Variants in PVT1 observed in about 807,000 individuals in gnomAD.
PVT1 encodes the protein Pvt1 oncogene.
chr8:127,832,959 G>A lies in PVT1; in HGVS notation n.372+36888G>A, dbSNP rs771629185. Among the ~76,000 whole-genome samples, 7 of 152,284 alleles carry A rather than the reference G, an allele frequency of 4.6e-5. No homozygotes were observed. The South Asian group carries it at 1.5e-3, about 32-fold the overall frequency. ...TCTGAGATTATCTGATATTCATGGA[G>A]TTATTTAATGAACAGTAGTATCTCT... On this transcript the variant is annotated intron_variant and non_coding_transcript_variant, in intron 2 of 10. Transcript: ENST00000651587.
intron 2 of PVT1, among the ~76,000 whole-genome samples, chr8:127,850,967 ATAG>A (rs1815100875): frequency 6.6e-6 from 1 of 152,086 alleles, no homozygotes; most frequent in Non-Finnish European, 1.5e-5. Flanking sequence ...AGATCGTGCC[ATAG>A]CACTCCACTT....
intron 2 of PVT1, among the ~76,000 whole-genome samples, chr8:127,860,704 G>A (rs1226798456): frequency 6.7e-6 from 1 of 148,312 alleles, no homozygotes; most frequent in African/African-American, 2.5e-5. Context: ...GGTGGAGGTT[G>A]TAGTAAGTCG....
chr8:127,988,565 G>T (rs527878602), intron 3 of PVT1, among the ~76,000 whole-genome samples: 1 of 152,332 alleles, frequency 6.6e-6, no homozygotes, highest in South Asian at 2.1e-4. Flanking sequence ...GATCAGTTAA[G>T]ATAAGAATCT....
intron 3 of PVT1, among the ~76,000 whole-genome samples, chr8:127,960,359 C>T (rs915743160): frequency 6.6e-6 from 1 of 152,114 alleles, no homozygotes; most frequent in Non-Finnish European, 1.5e-5. Flanking sequence ...CCTGGTCTTG[C>T]CTCCTGGAGG....
chr8:127,880,438 C>T (rs1352585938), intron 2 of PVT1, among the ~76,000 whole-genome samples: 4 of 151,288 alleles, frequency 2.6e-5, no homozygotes, highest in Non-Finnish European at 4.4e-5. Context: ...TACAGGCGCT[C>T]GCCACCACGC....
At chr8:127,826,089 G>A (rs1300576601) in intron 2 of PVT1, among the ~76,000 whole-genome samples, 2 of 133,018 alleles carry the variant, frequency 1.5e-5, no homozygotes, top group Non-Finnish European at 3.1e-5. Context: ...CGAACTCCTT[G>A]GCTCAAACAA....
chr8:128,005,400 G>A (rs1368121890), intron 4 of PVT1, among the ~76,000 whole-genome samples: 1 of 152,234 alleles, frequency 6.6e-6, no homozygotes, highest in African/African-American at 2.4e-5. Context: ...TGTGACTGAA[G>A]GATGGAGACT....
intron 3 of PVT1, among the ~76,000 whole-genome samples, chr8:127,959,190 T>A (rs1434988102): frequency 6.6e-6 from 1 of 152,230 alleles, no homozygotes; most frequent in Non-Finnish European, 1.5e-5. Context: ...ATCAGTCCCC[T>A]GATTGCTTCC....
chr8:127,855,387 C>G (rs1815150192), intron 2 of PVT1: 1 of 394,362 alleles, frequency 2.5e-6, no homozygotes, highest in Admixed American at 4.4e-5. Flanking sequence ...CTCGCTGACC[C>G]CAAGGGGAAA....
chr8:127,871,167 G>C (rs1450010700), intron 2 of PVT1, among the ~76,000 whole-genome samples: 1 of 152,210 alleles, frequency 6.6e-6, no homozygotes, highest in Non-Finnish European at 1.5e-5. Flanking sequence ...AATGGTTACT[G>C]CCTGCTGTGT....
At chr8:128,049,056 T>TA (rs1813653988) in intron 4 of PVT1, 1 of 469,300 alleles carries the variant, frequency 2.1e-6, no homozygotes, top group Non-Finnish European at 4.2e-6. Flanking sequence ...TCTGGCTTGG[T>TA]AATATTACCC....
At chr8:127,881,507 G>A (rs1420135405) in intron 2 of PVT1, among the ~76,000 whole-genome samples, 1 of 150,688 alleles carries the variant, frequency 6.6e-6, no homozygotes, top group Non-Finnish European at 1.5e-5. Flanking sequence ...TTGGAGTGCA[G>A]TGGCACAATC....
At chr8:127,799,093 TC>T (rs1455084269) in intron 2 of PVT1, among the ~76,000 whole-genome samples, 2 of 152,206 alleles carry the variant, frequency 1.3e-5, no homozygotes, top group East Asian at 3.9e-4. Flanking sequence ...GTTTTTTTTT[TC>T]CTTTATCTTT....
chr8:128,055,593 ATGT>A (rs1377244165), intron 4 of PVT1, among the ~76,000 whole-genome samples: 1 of 152,208 alleles, frequency 6.6e-6, no homozygotes, highest in Non-Finnish European at 1.5e-5. Context: ...CCATAACAAA[ATGT>A]TGTGGCTTAA....
intron 3 of PVT1, among the ~76,000 whole-genome samples, chr8:127,903,084 G>A (rs552924425): frequency 1.3e-5 from 2 of 152,122 alleles, no homozygotes; most frequent in African/African-American, 4.8e-5. Flanking sequence ...TTCTACACAG[G>A]CCCACCAACA....
intron 2 of PVT1, among the ~76,000 whole-genome samples, chr8:127,818,190 T>C (rs922333235): frequency 6.6e-6 from 1 of 152,202 alleles, no homozygotes; most frequent in Non-Finnish European, 1.5e-5. Flanking sequence ...CTTCCCATTT[T>C]AGACTTGAAA....
At chr8:127,957,965 C>A (rs1051650128) in intron 3 of PVT1, among the ~76,000 whole-genome samples, 1 of 152,220 alleles carries the variant, frequency 6.6e-6, no homozygotes, top group Non-Finnish European at 1.5e-5. Flanking sequence ...GCCATGGTTT[C>A]TAATTCCCTG....
At chr8:127,992,692 T>C (rs1247877537) in intron 4 of PVT1, among the ~76,000 whole-genome samples, 1 of 152,224 alleles carries the variant, frequency 6.6e-6, no homozygotes, top group African/African-American at 2.4e-5. Context: ...CCTCTCAGTG[T>C]CATTCTTGCT....
chr8:127,827,138 G>A (rs1814799651), intron 2 of PVT1, among the ~76,000 whole-genome samples: 2 of 151,760 alleles, frequency 1.3e-5, no homozygotes, highest in Non-Finnish European at 2.9e-5. Flanking sequence ...TGGGATTATA[G>A]GCATGTGCCA....
Sources: allele counts gnomAD v4.1 joint callset (sites outside exome capture counted in the v4.1 genomes callset), GRCh38; gene constraint gnomAD v4.1.1; transcripts MANE v1.5; gene names NCBI Gene and HGNC (gene_info 2026-07-23, HGNC 2026-07-21).